Variants in ADHFE1 observed in about 807,000 individuals in gnomAD.
The protein encoded by ADHFE1 is alcohol dehydrogenase iron containing 1, also known as hydroxyacid-oxoacid transhydrogenase, mitochondrial.
A neutral mutation model predicts 54.8 loss-of-function variants in ADHFE1; 37 were observed. The ratio of observed to expected loss-of-function variants is 0.68; its 90% CI spans 0.52 to 0.89. ADHFE1 has a LOEUF of 0.89. Ranked by LOEUF, ADHFE1 falls within the 40% of genes least tolerant of loss-of-function variation. The pLI is 0.00. For missense variants in ADHFE1, 601 were observed against 591.2 expected, an observed-to-expected ratio of 1.02 and a Z score of -0.17; for synonymous variants, 203 against 229.3, an observed-to-expected ratio of 0.89 and a Z score of 1.04.
intron 6 of ADHFE1, among the ~76,000 whole-genome samples, chr8:66,446,813 T>C (rs1184850130): frequency 2.6e-5 from 4 of 152,158 alleles, no homozygotes; most frequent in African/African-American, 4.8e-5. Flanking sequence ...CACATACATA[T>C]TAAATATACA....
Position 66,447,348 on chromosome 8 carries a change from A to G in ADHFE1, c.628+7A>G. 6.2e-7 allele frequency: 1 copy of G among 1,605,874 alleles called. No individual in the cohort carries two copies. The highest frequency in any genetic ancestry group is 1.7e-5 in the Admixed American group (1 of 59,842). On this transcript the variant is annotated splice_region_variant and intron_variant, in intron 7 of 13. Coordinates refer to ENST00000396623, the MANE Select transcript of ADHFE1 (RefSeq NM_144650.3). ...CACTTGAAAGTAAAAATTGGTAAGA[A>G]CCATACTTTTGAATTATCTCCCTTA...
intron 8 of ADHFE1, 83 bp from the exon 9 acceptor site, chr8:66,451,870 G>A: frequency 6.5e-7 from 1 of 1,535,222 alleles, no homozygotes; most frequent in Non-Finnish European, 8.8e-7. Context: ...GTGCCAAACA[G>A]CTCCAAGACA....
chr8:66,451,816 T>C (rs1368846642), intron 8 of ADHFE1, 137 bp from the exon 9 acceptor site: 1 of 946,366 alleles, frequency 1.1e-6, no homozygotes, highest in African/African-American at 1.7e-5. Flanking sequence ...TGGTAGAATG[T>C]ACTGTGATCA....
At chr8:66,433,047 G>A (rs530012277) in intron 1 of ADHFE1, among the ~76,000 whole-genome samples, 19 of 152,340 alleles carry the variant, frequency 1.2e-4, no homozygotes, top group African/African-American at 4.3e-4. Context: ...CAGACTGGGT[G>A]TAGAAGGGAA....
At chr8:66,436,091 T>C (rs1202260669) in intron 1 of ADHFE1, among the ~76,000 whole-genome samples, 7 of 151,842 alleles carry the variant, frequency 4.6e-5, no homozygotes, top group Non-Finnish European at 1.0e-4. Context: ...AATTTTTGTA[T>C]TTTTAGTAGA....
chr8:66,466,173 A>G (rs1807171106), intron 13 of ADHFE1, among the ~76,000 whole-genome samples: 1 of 149,778 alleles, frequency 6.7e-6, no homozygotes, highest in African/African-American at 2.5e-5. Context: ...GGCTCAAGCA[A>G]TTCTCCTGCC....
chr8:66,458,290 T>C (rs1806702155), intron 12 of ADHFE1, among the ~76,000 whole-genome samples: 1 of 151,978 alleles, frequency 6.6e-6, no homozygotes, highest in Non-Finnish European at 1.5e-5. Context: ...TCCAGGGAGG[T>C]AGGAAGGACC....
intron 13 of ADHFE1, 121 bp downstream of exon 13, chr8:66,460,586 T>TGGTAAGCCAGAAAGCACGTGA: frequency 8.2e-7 from 1 of 1,219,914 alleles, no homozygotes; most frequent in Non-Finnish European, 1.1e-6. Context: ...TTCTCGGGTC[T>TGGTAAGCCAGAAAGCACGTGA]CCTCCACAGC....
At chr8:66,443,264 A>ATTTTTTTTTTTTTTTTTTTTTTTTTTTT (rs540464621) in intron 3 of ADHFE1, among the ~76,000 whole-genome samples, 1 of 86,094 alleles carries the variant, frequency 1.2e-5, no homozygotes, top group Non-Finnish European at 2.4e-5. Flanking sequence ...TAGTCCAGGA[A>ATTTTTTTTTTTTTTTTTTTTTTTTTTTT]TTTTTTTTTT....
rs1805618562 is a variant in ADHFE1, at chr8:66,439,178, C to G, written c.60-984C>G. ...CGAATTTTTGAGATCTGGACGGCCA[C>G]TGAGATCAACCCTTTTCCTTCCTCC... On this transcript the variant is annotated intron_variant, in intron 1 of 13. Transcript: ENST00000396623. The surrounding 1 kb of genome is among the most constrained non-coding windows in gnomAD (Gnocchi z 4.4). 1 of 985,132 alleles carries G rather than the reference C, an allele frequency of 1.0e-6. No individual in the cohort carries two copies. The highest frequency in any genetic ancestry group is 1.2e-6 in the Non-Finnish European group (1 of 829,748). The allele number at this position is 985,132 out of a possible 1,614,324, so 61.0% of individuals were successfully genotyped here.
chr8:66,459,431 T>TATATATATATA (rs60104059), intron 12 of ADHFE1: 110 of 95,510 alleles, frequency 1.2e-3, no homozygotes, highest in African/African-American at 4.7e-3. Context: ...TATATATATA[T>TATATATATATA]TTTTTTTTTT....
At position 66,434,136 on chromosome 8, in the gene ADHFE1, G is replaced by C. The variant is rs374725813; in HGVS notation, c.59+1561G>C. On this transcript the variant is annotated intron_variant, in intron 1 of 13. Transcript: ENST00000396623. Reference sequence around the variant, plus strand: ...GGTAGATAGAAATGCTGAGAGGTTGGTTAGAATCCACAGGATTTTGTATCT... The same window carrying C: ...GGTAGATAGAAATGCTGAGAGGTTGCTTAGAATCCACAGGATTTTGTATCT... Among the ~76,000 whole-genome samples, 4 of 152,216 alleles carry C rather than the reference G, an allele frequency of 2.6e-5. No homozygotes were observed. In the South Asian group the frequency reaches 8.3e-4, roughly 31 times the overall value.
At position 66,448,907 on chromosome 8, in the gene ADHFE1, A is replaced by G; in HGVS notation, c.671A>G (p.Asp224Gly). The G allele has an allele frequency of 1.2e-6, 2 of 1,614,100 alleles. No individual in the cohort carries two copies. Among genetic ancestry groups the G allele is most frequent in the Non-Finnish European group, 1.7e-6 (2 of 1,180,030 alleles). ...ATCAAACCCACACTGGGACTGATTG[A>G]TCCTCTGCACACCCTCCACATGCCT... The part of the protein sequence containing the change: ...RAIKPTLGLI[D>G]PLHTLHMPAR... Residue 224 changes from aspartate to glycine, a missense_variant, in exon 8 of 14, where the codon GAT (aspartate) becomes GGT (glycine). Asp to Gly is a moderately conservative substitution (Grantham distance 94). Coordinates refer to ENST00000396623, the MANE Select transcript of ADHFE1 (RefSeq NM_144650.3).
chr8:66,464,197 T>A (rs1255354758), intron 13 of ADHFE1, among the ~76,000 whole-genome samples: 5 of 152,198 alleles, frequency 3.3e-5, no homozygotes, highest in African/African-American at 4.8e-5. Context: ...TAATAGCACA[T>A]CATTGCTTAA....
chr8:66,459,431 T>TATATATATATATATATA (rs60104059), intron 12 of ADHFE1: 66 of 95,532 alleles, frequency 6.9e-4, no homozygotes, highest in African/African-American at 2.7e-3. Context: ...TATATATATA[T>TATATATATATATATATA]TTTTTTTTTT....
chr8:66,448,760 T>C, intron 7 of ADHFE1, 105 bp from the exon 8 acceptor site: 2 of 1,032,748 alleles, frequency 1.9e-6, no homozygotes, highest in Admixed American at 2.1e-5. Flanking sequence ...AAATGAACCT[T>C]TTCTCATATT....
In ADHFE1 at chr8:66,442,123, G is replaced by T. The variant is rs551802978; in HGVS notation, c.98-675G>T. Among the ~76,000 whole-genome samples, 7 of 152,162 alleles carry T rather than the reference G, an allele frequency of 4.6e-5. No homozygotes were observed. In the South Asian group the frequency reaches 1.5e-3, roughly 32 times the overall value. The stretch of plus-strand genomic sequence containing the variant: ...AGTTATCACAGTTGCTATAAGAAGT[G>T]TAAGCAAGCCTCTAATTCATGAACT... On this transcript the variant is annotated intron_variant, in intron 2 of 13. Transcript: ENST00000396623.
Position 66,439,854 on chromosome 8 carries a change from A to G in ADHFE1, c.60-308A>G. 1.0e-6 allele frequency: 1 copy of G among 966,806 alleles called. No individual in the cohort carries two copies. The highest frequency in any genetic ancestry group is 3.1e-5 in the South Asian group (1 of 32,020). The allele number at this position is 966,806 out of a possible 1,614,324, so 59.9% of individuals were successfully genotyped here. A position where few individuals can be genotyped will look rare whatever the true frequency, so the allele number is the denominator to read the frequency against. On this transcript the variant is annotated intron_variant, in intron 1 of 13. Coordinates refer to ENST00000396623, the MANE Select transcript of ADHFE1 (RefSeq NM_144650.3). The surrounding 1 kb of genome is among the most constrained non-coding windows in gnomAD (Gnocchi z 4.4). Reference sequence around the variant, plus strand: ...GGCTTCATGGAGACCAGAGACCCCCATCTTAAACTTGCATGTACCCCCAGA... The same window carrying G: ...GGCTTCATGGAGACCAGAGACCCCCGTCTTAAACTTGCATGTACCCCCAGA...
intron 1 of ADHFE1, among the ~76,000 whole-genome samples, chr8:66,437,088 G>C (rs1441628941): frequency 1.3e-5 from 2 of 152,170 alleles, no homozygotes; most frequent in Non-Finnish European, 2.9e-5. Context: ...AGATAAATCG[G>C]AAGAATGGCT....
Sources: allele counts gnomAD v4.1 joint callset (sites outside exome capture counted in the v4.1 genomes callset), GRCh38; gene constraint gnomAD v4.1.1; non-coding constraint Gnocchi (gnomAD v3.1); transcripts MANE v1.5; gene names NCBI Gene and HGNC (gene_info 2026-07-23, HGNC 2026-07-21).